TMEM117: variants seen among roughly 807,000 people sequenced by gnomAD.
TMEM117 encodes transmembrane protein 117.
In TMEM117, 27 loss-of-function variants were observed where a neutral mutation model predicts 52.4. The observed-to-expected ratio is 0.51, with a 90% CI of 0.38 to 0.71. The LOEUF is 0.71. Ranked by LOEUF, TMEM117 falls within the 30% of genes least tolerant of loss-of-function variation. The pLI, the probability that TMEM117 is intolerant of heterozygous loss-of-function variation, is 0.00. For synonymous variants in TMEM117, 215 were observed against 206.3 expected (o/e 1.04, Z -0.36); for missense variants, 556 against 630.5 (o/e 0.88, Z 1.26).
intron 5 of TMEM117, among the ~76,000 whole-genome samples, chr12:44,297,440 A>G (rs1162849229): frequency 6.6e-6 from 1 of 152,182 alleles, no homozygotes; most frequent in Non-Finnish European, 1.5e-5. Flanking sequence ...ACCAGAGGTT[A>G]ACCAGGCAGT....
intron 5 of TMEM117, among the ~76,000 whole-genome samples, chr12:44,225,296 T>C (rs750116364): frequency 6.6e-6 from 1 of 152,124 alleles, no homozygotes; most frequent in Non-Finnish European, 1.5e-5. Context: ...GAAATTTGAG[T>C]ATCACAGAGA....
intron 7 of TMEM117, among the ~76,000 whole-genome samples, chr12:44,381,253 C>T (rs1011364081): frequency 1.3e-5 from 2 of 152,184 alleles, no homozygotes; most frequent in African/African-American, 4.8e-5. Context: ...TTAAGTCACA[C>T]TGGTACTTTT....
chr12:43,911,911 A>G (rs1002338205), intron 2 of TMEM117, among the ~76,000 whole-genome samples: 54 of 145,472 alleles, frequency 3.7e-4, no homozygotes, highest in African/African-American at 1.3e-3. Context: ...ACTGTAAACT[A>G]GTTCAACCAT....
intron 1 of TMEM117, among the ~76,000 whole-genome samples, chr12:43,843,087 C>G (rs1456782573): frequency 6.6e-6 from 1 of 152,132 alleles, no homozygotes; most frequent in Admixed American, 6.5e-5. Context: ...GTTGTTATGA[C>G]AAAAATGATA....
At chr12:44,008,208 C>T (rs920523268) in intron 3 of TMEM117, among the ~76,000 whole-genome samples, 8 of 151,982 alleles carry the variant, frequency 5.3e-5, no homozygotes, top group Admixed American at 1.3e-4. Flanking sequence ...CTTAGTAATT[C>T]TCTGTGAGCT....
intron 4 of TMEM117, among the ~76,000 whole-genome samples, chr12:44,162,249 A>G (rs1948907795): frequency 2.0e-5 from 3 of 152,150 alleles, no homozygotes; most frequent in South Asian, 4.1e-4. Flanking sequence ...CACTTCTACA[A>G]CAGTTGACAT....
At chr12:43,871,102 T>TG (rs1455580168) in intron 2 of TMEM117, among the ~76,000 whole-genome samples, 22 of 150,864 alleles carry the variant, frequency 1.5e-4, no homozygotes, top group Admixed American at 1.3e-4. Flanking sequence ...TGTTTTTTTT[T>TG]TTTTGTTTGT....
intron 6 of TMEM117, among the ~76,000 whole-genome samples, chr12:44,357,521 TATACATAGAGTAGAACA>T (rs1951666496): frequency 1.3e-5 from 2 of 152,080 alleles, no homozygotes; most frequent in African/African-American, 4.8e-5. Flanking sequence ...AGAGTGTGGC[TATACATAGAGTAGAACA>T]TTCTAAGTGT....
At chr12:44,284,667 A>C (rs1950617349) in intron 5 of TMEM117, among the ~76,000 whole-genome samples, 1 of 152,234 alleles carries the variant, frequency 6.6e-6, no homozygotes, top group African/African-American at 2.4e-5. Context: ...GGTGGATGAT[A>C]AAGGATGAAC....
intron 3 of TMEM117, among the ~76,000 whole-genome samples, chr12:44,079,853 T>TA (rs1947451643): frequency 6.6e-6 from 1 of 151,374 alleles, no homozygotes; most frequent in Non-Finnish European, 1.5e-5. Context: ...TCATCTCTAC[T>TA]AAAAATAAAA....
chr12:44,159,753 C>T (rs1403426809), intron 4 of TMEM117, among the ~76,000 whole-genome samples: 1 of 152,050 alleles, frequency 6.6e-6, no homozygotes, highest in Non-Finnish European at 1.5e-5. Context: ...AGTTAAAATG[C>T]TGATAAAATT....
chr12:43,905,422 C>A (rs1944369359), intron 2 of TMEM117, among the ~76,000 whole-genome samples: 1 of 152,170 alleles, frequency 6.6e-6, no homozygotes, highest in African/African-American at 2.4e-5. Flanking sequence ...AAGATGATCA[C>A]CCTTCTTCTC....
chr12:43,965,800 C>T (rs1375180739), intron 3 of TMEM117, among the ~76,000 whole-genome samples: 3 of 152,036 alleles, frequency 2.0e-5, no homozygotes, highest in East Asian at 1.9e-4. Context: ...GGGTTTGTTA[C>T]ATGGTATTGC....
At chr12:43,807,354 CA>C in the TMEM117 span, among the ~76,000 whole-genome samples, 1 of 152,162 alleles carries the variant, frequency 6.6e-6, no homozygotes, top group Admixed American at 6.5e-5. Flanking sequence ...AGAATCACAG[CA>C]AACAAGGTTA....
chr12:44,086,042 A>G (rs989321273), intron 3 of TMEM117, among the ~76,000 whole-genome samples: 1 of 152,180 alleles, frequency 6.6e-6, no homozygotes, highest in African/African-American at 2.4e-5. Flanking sequence ...GTTTCTTGCT[A>G]TAAGTCATCT....
At chr12:44,117,738 T>C (rs2138128098) in intron 3 of TMEM117, among the ~76,000 whole-genome samples, 1 of 152,282 alleles carries the variant, frequency 6.6e-6, no homozygotes, top group South Asian at 2.1e-4. Context: ...GGAAACCATC[T>C]GTGTTTTTGT....
At chr12:44,156,573 T>G (rs1295575851) in intron 4 of TMEM117, among the ~76,000 whole-genome samples, 1 of 152,014 alleles carries the variant, frequency 6.6e-6, no homozygotes. Context: ...TCCTAGAGAT[T>G]CTAAAATGCA....
At chr12:43,848,474 G>A (rs958007249) in intron 2 of TMEM117, among the ~76,000 whole-genome samples, 20 of 152,086 alleles carry the variant, frequency 1.3e-4, no homozygotes, top group Non-Finnish European at 1.9e-4. Context: ...AGCATTTAAC[G>A]ATATGTTTCC....
intron 3 of TMEM117, among the ~76,000 whole-genome samples, chr12:44,114,306 C>T (rs571476747): frequency 2.3e-4 from 35 of 152,276 alleles, no homozygotes; most frequent in African/African-American, 8.4e-4. Context: ...TTATATCCAT[C>T]TTGTGCCTGT....
Sources: allele counts gnomAD v4.1 joint callset (sites outside exome capture counted in the v4.1 genomes callset), GRCh38; gene constraint gnomAD v4.1.1; transcripts MANE v1.5; gene names NCBI Gene and HGNC (gene_info 2026-07-23, HGNC 2026-07-21).